Variants in ABLIM1 observed in about 807,000 individuals in gnomAD.
ABLIM1 encodes the protein actin-binding LIM protein 1.
ABLIM1 carries 40 observed loss-of-function variants against 107.0 expected under a neutral mutation model. That is an observed-to-expected ratio of 0.37 (90% CI 0.29 to 0.49). The LOEUF (loss-of-function observed/expected upper bound fraction) is 0.49. Among genes scored for constraint, ABLIM1 ranks in the 20% least tolerant of loss-of-function variants. ABLIM1 has a pLI of 0.97. For synonymous variants in ABLIM1, 357 were observed against 357.3 expected (o/e 1.00, Z 0.01); for missense variants, 857 against 1,008.5 (o/e 0.85, Z 2.04).
intron 1 of ABLIM1, among the ~76,000 whole-genome samples, chr10:114,674,174 C>T (rs906434737): frequency 1.3e-5 from 2 of 151,542 alleles, no homozygotes; most frequent in Admixed American, 6.6e-5. Context: ...CCTGTAGTCC[C>T]AGCTACTCAG....
intron 1 of ABLIM1, among the ~76,000 whole-genome samples, chr10:114,608,527 G>A (rs2076580680): frequency 6.6e-6 from 1 of 152,058 alleles, no homozygotes; most frequent in African/African-American, 2.4e-5. Context: ...AAATTAGCTG[G>A]GCGTGGTGGC....
intron 1 of ABLIM1, among the ~76,000 whole-genome samples, chr10:114,624,620 A>C (rs2077672436): frequency 6.6e-6 from 1 of 152,164 alleles, no homozygotes; most frequent in Non-Finnish European, 1.5e-5. Flanking sequence ...TCCTGTCATC[A>C]AAAATTGCCC....
chr10:114,744,617 G>T (rs917850991), intron 1 of ABLIM1, among the ~76,000 whole-genome samples: 1 of 152,132 alleles, frequency 6.6e-6, no homozygotes, highest in Non-Finnish European at 1.5e-5. Context: ...CTGCACTCCA[G>T]CCTGGATGAG....
At chr10:114,563,665 T>C (rs1199556498) in intron 4 of ABLIM1, among the ~76,000 whole-genome samples, 1 of 151,028 alleles carries the variant, frequency 6.6e-6, no homozygotes, top group East Asian at 1.9e-4. Flanking sequence ...TGAAACCCTG[T>C]CTCTACAAAA....
At chr10:114,690,354 C>T (rs2081048269) in intron 1 of ABLIM1, 5 of 1,604,940 alleles carry the variant, frequency 3.1e-6, no homozygotes, top group Non-Finnish European at 2.6e-6. Context: ...GGACAAGATG[C>T]CAGGACCTGT....
Position 114,531,182 on chromosome 10 carries a change from T to A in ABLIM1, c.894+13823A>T, listed in dbSNP as rs77477828. Among the ~76,000 whole-genome samples the A allele has an allele frequency of 6.3e-4, 96 of 152,348 alleles. 2 individuals carry two copies. In the East Asian group the frequency reaches 0.014, roughly 23 times the overall value. On this transcript the variant is annotated intron_variant, in intron 6 of 22. Coordinates refer to ENST00000533213, the MANE Select transcript of ABLIM1 (RefSeq NM_002313.7). Reference sequence around the variant, plus strand: ...AACAGAGATGGGTGAGCCTGACTCCTTCATTCAAACAGGAAGCTGTAAGTT... The same window carrying A: ...AACAGAGATGGGTGAGCCTGACTCCATCATTCAAACAGGAAGCTGTAAGTT...
At chr10:114,724,516 C>T (rs1044705839) in intron 1 of ABLIM1, among the ~76,000 whole-genome samples, 16 of 152,158 alleles carry the variant, frequency 1.1e-4, no homozygotes, top group Admixed American at 9.2e-4. Context: ...ACAAGGCCTG[C>T]CCTGAGAGTC....
chr10:114,726,845 C>T (rs779322597), intron 1 of ABLIM1, among the ~76,000 whole-genome samples: 23 of 152,060 alleles, frequency 1.5e-4, no homozygotes, highest in Admixed American at 3.3e-4. Context: ...GAGAAATCCG[C>T]CCCCATGATC....
At chr10:114,455,975 G>T (rs1327790315) in intron 12 of ABLIM1, among the ~76,000 whole-genome samples, 2 of 152,118 alleles carry the variant, frequency 1.3e-5, no homozygotes, top group Non-Finnish European at 2.9e-5. Flanking sequence ...ACCGCGCCCG[G>T]CTAATTTTTT....
chr10:114,471,133 C>T (rs1198383283), intron 10 of ABLIM1, among the ~76,000 whole-genome samples: 1 of 152,216 alleles, frequency 6.6e-6, no homozygotes, highest in Non-Finnish European at 1.5e-5. Context: ...AAGCAATCCA[C>T]CCACCTTGGC....
intron 14 of ABLIM1, among the ~76,000 whole-genome samples, chr10:114,448,305 A>G (rs1183510478): frequency 2.0e-5 from 3 of 152,182 alleles, no homozygotes; most frequent in Non-Finnish European, 2.9e-5. Flanking sequence ...GGCTATTTAA[A>G]CAAAAAAAAT....
intron 4 of ABLIM1, among the ~76,000 whole-genome samples, chr10:114,557,351 C>A (rs1000786676): frequency 6.6e-6 from 1 of 152,150 alleles, no homozygotes; most frequent in Non-Finnish European, 1.5e-5. Flanking sequence ...ACAATTACCA[C>A]ACAACAAACA....
At chr10:114,611,219 C>A (rs566391599) in intron 1 of ABLIM1, among the ~76,000 whole-genome samples, 7 of 151,980 alleles carry the variant, frequency 4.6e-5, no homozygotes, top group Admixed American at 1.3e-4. Context: ...GTAATCCCAA[C>A]ATTTTGGGAG....
At chr10:114,463,028 G>T in intron 12 of ABLIM1, 1 of 1,323,538 alleles carries the variant, frequency 7.6e-7, no homozygotes. Context: ...GCTGCCTGGA[G>T]AAACCTGCCT....
At chr10:114,761,105 C>A (rs1365956826) in intron 1 of ABLIM1, among the ~76,000 whole-genome samples, 1 of 152,036 alleles carries the variant, frequency 6.6e-6, no homozygotes, top group African/African-American at 2.4e-5. Flanking sequence ...ACAACATCAC[C>A]ATGAAAGAAA....
At chr10:114,592,990 A>C (rs1489738321) in intron 2 of ABLIM1, among the ~76,000 whole-genome samples, 3 of 152,144 alleles carry the variant, frequency 2.0e-5, no homozygotes, top group Admixed American at 6.6e-5. Flanking sequence ...ATTGTCAGGG[A>C]ACAGATGGTG....
At chr10:114,446,970 A>G (rs1031940177) in intron 15 of ABLIM1, among the ~76,000 whole-genome samples, 3 of 152,230 alleles carry the variant, frequency 2.0e-5, no homozygotes, top group South Asian at 2.1e-4. Context: ...AACTCTTTCT[A>G]TAAGTATCAA....
At chr10:114,784,419 C>T in the ABLIM1 span, among the ~76,000 whole-genome samples, 1 of 150,852 alleles carries the variant, frequency 6.6e-6, no homozygotes, top group Admixed American at 6.6e-5. Context: ...AATCCTAGCA[C>T]TTTGGGAGGC....
At chr10:114,743,866 G>T (rs1566295352) in intron 1 of ABLIM1, among the ~76,000 whole-genome samples, 1 of 150,672 alleles carries the variant, frequency 6.6e-6, no homozygotes, top group Non-Finnish European at 1.5e-5. Context: ...TAATGTAAAA[G>T]AAAAAAAAAG....
Sources: allele counts gnomAD v4.1 joint callset (sites outside exome capture counted in the v4.1 genomes callset), GRCh38; gene constraint gnomAD v4.1.1; transcripts MANE v1.5; gene names NCBI Gene and HGNC (gene_info 2026-07-23, HGNC 2026-07-21).